TBCK: variants seen among roughly 807,000 people sequenced by gnomAD.
The protein encoded by TBCK is TBC domain-containing protein kinase-like protein.
A neutral mutation model predicts 113.4 loss-of-function variants in TBCK; 99 were observed. That is an observed-to-expected ratio of 0.87 (90% CI 0.74 to 1.03). The LOEUF is 1.03. Ranked by LOEUF, TBCK falls within the 50% of genes least tolerant of loss-of-function variation. TBCK has a pLI of 0.00. For missense variants in TBCK, 1,045 were observed against 1,061.3 expected (o/e 0.98, Z 0.21); for synonymous variants, 369 against 370.8 (o/e 1.00, Z 0.05).
intron 5 of TBCK, among the ~76,000 whole-genome samples, chr4:106,254,389 T>G (rs1383809909): frequency 6.6e-6 from 1 of 152,224 alleles, no homozygotes; most frequent in Admixed American, 6.5e-5. Flanking sequence ...AGTCTTAGGC[T>G]TCCTATGATA....
chr4:106,074,846 A>AGAAGT (rs1230872417), intron 25 of TBCK, among the ~76,000 whole-genome samples: 1 of 152,172 alleles, frequency 6.6e-6, no homozygotes, highest in African/African-American at 2.4e-5. Flanking sequence ...CTTCCTGGAG[A>AGAAGT]GAAGTGTTAC....
At chr4:106,211,689 CA>C (rs1376421265) in intron 20 of TBCK, among the ~76,000 whole-genome samples, 8 of 151,248 alleles carry the variant, frequency 5.3e-5, no homozygotes, top group African/African-American at 1.9e-4. Context: ...TTTAACATTA[CA>C]AAAAAAACAC....
At chr4:106,065,738 T>C (rs149438766) in intron 25 of TBCK, among the ~76,000 whole-genome samples, 1 of 152,046 alleles carries the variant, frequency 6.6e-6, no homozygotes, top group Non-Finnish European at 1.5e-5. Context: ...GATTATACTA[T>C]ACACTATAGC....
intron 3 of TBCK, among the ~76,000 whole-genome samples, chr4:106,292,091 A>T (rs180886564): frequency 3.9e-5 from 6 of 152,312 alleles, no homozygotes; most frequent in African/African-American, 1.2e-4. Context: ...TTACATCGGT[A>T]TATGCAGACA....
chr4:106,049,090 A>G (rs1456031311), intron 25 of TBCK, among the ~76,000 whole-genome samples: 4 of 152,142 alleles, frequency 2.6e-5, no homozygotes, highest in Non-Finnish European at 5.9e-5. Flanking sequence ...TCCATGTTAA[A>G]TACTGGCCCC....
intron 23 of TBCK, among the ~76,000 whole-genome samples, chr4:106,158,253 G>C (rs576795215): frequency 6.6e-6 from 1 of 152,102 alleles, no homozygotes; most frequent in Non-Finnish European, 1.5e-5. Context: ...AGACCAGTCA[G>C]AAAATTGTAC....
intron 23 of TBCK, among the ~76,000 whole-genome samples, chr4:106,129,772 T>C (rs1373322597): frequency 6.6e-6 from 1 of 152,182 alleles, no homozygotes; most frequent in East Asian, 1.9e-4. Context: ...ATCTTCTGTT[T>C]GTCCCTCCAG....
rs370175771 is a variant in TBCK at position 106,043,216 on chromosome 4, GAA to G, written c.*3352_*3353del. ...TTTGAATCTAACATTTCTGTATTTT[GAA>G]AAGAGGATGCAACTAGATTAAATTA... is the stretch of plus-strand genomic sequence containing the variant. On this transcript the variant is annotated 3_prime_UTR_variant, in exon 26 of 26. Coordinates refer to ENST00000394708, the MANE Select transcript of TBCK (RefSeq NM_001163435.3). The G allele has an allele frequency of 3.4e-4, 51 of 151,838 alleles. No individual in the cohort carries two copies. In the East Asian group the frequency reaches 7.0e-3, roughly 21 times the overall value. The allele number at this position is 151,838 out of a possible 1,614,324, so 9.4% of individuals were successfully genotyped here.
chr4:106,144,535 G>T (rs1288047288), intron 23 of TBCK, among the ~76,000 whole-genome samples: 1 of 152,126 alleles, frequency 6.6e-6, no homozygotes, highest in Non-Finnish European at 1.5e-5. Flanking sequence ...GTGTTGAAAA[G>T]TGCCTGGCAC....
At chr4:106,059,380 G>C (rs1735785087) in intron 25 of TBCK, among the ~76,000 whole-genome samples, 1 of 151,676 alleles carries the variant, frequency 6.6e-6, no homozygotes, top group African/African-American at 2.4e-5. Flanking sequence ...TTTTACAATA[G>C]CATGTGCTCA....
intron 5 of TBCK, among the ~76,000 whole-genome samples, chr4:106,252,531 ATATTGC>A (rs1238822102): frequency 6.6e-6 from 1 of 152,066 alleles, no homozygotes; most frequent in Non-Finnish European, 1.5e-5. Flanking sequence ...AATACTATAC[ATATTGC>A]TATATACCTT....
chr4:106,247,354 C>T lies in TBCK; in HGVS notation c.783-67G>A. On this transcript the variant is annotated intron_variant, in intron 9 of 25. Transcript: ENST00000394708. Reference sequence around the variant, plus strand: ...AAAAATTTCCTAGAATAATGGCATACATTCAAGAGAATGGATAAAAGTCTT... The same window carrying T: ...AAAAATTTCCTAGAATAATGGCATATATTCAAGAGAATGGATAAAAGTCTT... 8 of 1,460,004 alleles carry T rather than the reference C, an allele frequency of 5.5e-6. No individual in the cohort carries two copies. In the South Asian group the frequency reaches 5.9e-5, roughly 11 times the overall value. 90.4% of individuals were successfully genotyped at this position (1,460,004 alleles called of 1,614,324 possible).
intron 24 of TBCK, among the ~76,000 whole-genome samples, chr4:106,107,259 C>G (rs1479488171): frequency 1.3e-5 from 2 of 152,122 alleles, no homozygotes; most frequent in Non-Finnish European, 2.9e-5. Flanking sequence ...ATATTCAGGA[C>G]CTAAACTCAG....
intron 7 of TBCK, 134 bp downstream of exon 7, chr4:106,250,284 A>G: frequency 1.8e-6 from 1 of 570,382 alleles, no homozygotes; most frequent in Non-Finnish European, 3.1e-6. Context: ...ATTACCACTG[A>G]TCATTAGCAA....
chr4:106,120,488 T>C (rs902133919), intron 23 of TBCK, among the ~76,000 whole-genome samples: 7 of 152,156 alleles, frequency 4.6e-5, no homozygotes, highest in Non-Finnish European at 1.5e-5. Context: ...CCTGCCTGCC[T>C]CTGTAGGCTC....
rs556325281 is a variant in TBCK, at chr4:106,093,321, A to G, written c.2571+2161T>C. Among the ~76,000 whole-genome samples, 4 of 152,250 alleles carry G rather than the reference A, an allele frequency of 2.6e-5. No individual in the cohort carries two copies. The East Asian group carries it at 5.8e-4, about 22-fold the overall frequency. ...GGAGATTGAGACCACCCTGTCTAAC[A>G]TGGTGAAACCCCGTCTCTACTAAAA... On this transcript the variant is annotated intron_variant, in intron 25 of 25. Transcript: ENST00000394708.
At chr4:106,189,620 T>C (rs1753435705) in intron 22 of TBCK, among the ~76,000 whole-genome samples, 1 of 152,270 alleles carries the variant, frequency 6.6e-6, no homozygotes, top group South Asian at 2.1e-4. Flanking sequence ...GCTTCACTCA[T>C]GATAGATCAC....
At chr4:106,280,655 C>T (rs1022758840) in intron 3 of TBCK, among the ~76,000 whole-genome samples, 2 of 152,220 alleles carry the variant, frequency 1.3e-5, no homozygotes, top group African/African-American at 4.8e-5. Context: ...ATACAGAAAT[C>T]CAGTTTCACA....
chr4:106,105,904 T>C (rs910036427), intron 24 of TBCK, among the ~76,000 whole-genome samples: 1 of 152,126 alleles, frequency 6.6e-6, no homozygotes, highest in Middle Eastern at 3.2e-3. Context: ...TTCTTAATCA[T>C]GCCGAACTGG....
Sources: allele counts gnomAD v4.1 joint callset (sites outside exome capture counted in the v4.1 genomes callset), GRCh38; gene constraint gnomAD v4.1.1; transcripts MANE v1.5; gene names NCBI Gene and HGNC (gene_info 2026-07-23, HGNC 2026-07-21).